The following BTC variants were observed in gnomAD, a reference collection of about 807,000 sequenced individuals.
BTC encodes betacellulin.
BTC carries 13 observed loss-of-function variants against 18.1 expected under a neutral mutation model. The observed-to-expected ratio is 0.72, with a 90% CI of 0.47 to 1.14. The LOEUF (loss-of-function observed/expected upper bound fraction) is 1.14. Among genes scored for constraint, BTC ranks in the 50% most tolerant of loss-of-function variants. BTC has a pLI of 0.00. For synonymous variants in BTC, 83 were observed against 79.4 expected, an observed-to-expected ratio of 1.05 and a Z score of -0.24; for missense variants, 247 against 224.2, an observed-to-expected ratio of 1.10 and a Z score of -0.65.
intron 4 of BTC, among the ~76,000 whole-genome samples, chr4:74,748,361 C>T (rs1237661441): frequency 6.6e-6 from 1 of 152,078 alleles, no homozygotes; most frequent in Non-Finnish European, 1.5e-5. Context: ...ACGCTGAAAC[C>T]CCGTCTCTAC....
At chr4:74,761,460 A>G (rs1427793449) in intron 2 of BTC, among the ~76,000 whole-genome samples, 1 of 152,182 alleles carries the variant, frequency 6.6e-6, no homozygotes, top group East Asian at 1.9e-4. Flanking sequence ...TTTAGTTTAC[A>G]TCCTAGTTTA....
chr4:74,776,744 G>A (rs1469564099), intron 1 of BTC, among the ~76,000 whole-genome samples: 1 of 152,130 alleles, frequency 6.6e-6, no homozygotes, highest in Non-Finnish European at 1.5e-5. Flanking sequence ...AAACAGTCAT[G>A]TGCGTTGTAT....
chr4:74,749,859 C>G (rs1287655662), intron 4 of BTC, among the ~76,000 whole-genome samples: 5 of 147,300 alleles, frequency 3.4e-5, no homozygotes, highest in African/African-American at 1.3e-4. Context: ...ACTCAAGAGG[C>G]TGAGGCGGGA....
intron 3 of BTC, among the ~76,000 whole-genome samples, chr4:74,754,830 G>A (rs782348838): frequency 6.6e-6 from 1 of 151,754 alleles, no homozygotes; most frequent in African/African-American, 2.4e-5. Context: ...AACCAATTAG[G>A]GAAATGTATT....
At chr4:74,793,650 C>T (rs545151483) in intron 1 of BTC, among the ~76,000 whole-genome samples, 144 of 152,264 alleles carry the variant, frequency 9.5e-4, no homozygotes, top group Middle Eastern at 3.4e-3. Flanking sequence ...CTTCCAGCCA[C>T]ATCTGAAGTT....
At chr4:74,760,708 G>T (rs1553957207) in intron 2 of BTC, among the ~76,000 whole-genome samples, 1 of 151,608 alleles carries the variant, frequency 6.6e-6, no homozygotes, top group Non-Finnish European at 1.5e-5. Flanking sequence ...GAGTTCAGTA[G>T]CATGATATGG....
At chr4:74,765,158 A>T in intron 2 of BTC, among the ~76,000 whole-genome samples, 1 of 151,690 alleles carries the variant, frequency 6.6e-6, no homozygotes, top group East Asian at 1.9e-4. Context: ...AAAGAAAAAA[A>T]AAAACACTAA....
At chr4:74,786,929 C>T (rs893215273) in intron 1 of BTC, among the ~76,000 whole-genome samples, 1 of 151,964 alleles carries the variant, frequency 6.6e-6, no homozygotes, top group African/African-American at 2.4e-5. Context: ...TACCACATCC[C>T]TGAATCTGGG....
intron 1 of BTC, among the ~76,000 whole-genome samples, chr4:74,792,960 C>T (rs1172830808): frequency 6.6e-6 from 1 of 152,218 alleles, no homozygotes; most frequent in East Asian, 1.9e-4. Flanking sequence ...TGAGCCCTTT[C>T]CCCACCTCCA....
chr4:74,777,638 T>C (rs1725211464), intron 1 of BTC, among the ~76,000 whole-genome samples: 1 of 152,168 alleles, frequency 6.6e-6, no homozygotes, highest in Admixed American at 6.6e-5. Flanking sequence ...TTGAAGTTAA[T>C]ATGCCTCAGC....
At chr4:74,759,595 C>T (rs1210369402) in intron 2 of BTC, among the ~76,000 whole-genome samples, 1 of 150,826 alleles carries the variant, frequency 6.6e-6, no homozygotes, top group African/African-American at 2.4e-5. Context: ...AAATAAATGT[C>T]ACTTTAATGG....
intron 2 of BTC, among the ~76,000 whole-genome samples, chr4:74,765,879 G>C (rs372258492): frequency 7.4e-4 from 113 of 152,094 alleles, no homozygotes; most frequent in African/African-American, 2.5e-3. Flanking sequence ...GCATTATTAG[G>C]CAGTTTTTTC....
chr4:74,774,497 T>G (rs142923144), intron 1 of BTC, among the ~76,000 whole-genome samples: 111 of 152,228 alleles, frequency 7.3e-4, no homozygotes, highest in African/African-American at 2.5e-3. Context: ...GTTATAAGCC[T>G]TTTAGTACTA....
intron 1 of BTC, among the ~76,000 whole-genome samples, chr4:74,780,720 C>T (rs1040594222): frequency 6.6e-6 from 1 of 151,904 alleles, no homozygotes; most frequent in Non-Finnish European, 1.5e-5. Context: ...AAAACTAAGC[C>T]TGGGGCATAG....
chr4:74,766,714 T>C (rs1464627250), intron 2 of BTC, among the ~76,000 whole-genome samples: 2 of 152,016 alleles, frequency 1.3e-5, no homozygotes, highest in Admixed American at 6.6e-5. Flanking sequence ...TTAAACTCTT[T>C]CAAAAAATTG....
At position 74,780,939 on chromosome 4, in the gene BTC, A is replaced by G. The variant is rs562315125; in HGVS notation, c.65-10783T>C. 1.3e-4 allele frequency among the ~76,000 whole-genome samples: 20 copies of G among 150,798 alleles called. No homozygotes were observed. In the South Asian group the frequency reaches 3.6e-3, roughly 27 times the overall value. On this transcript the variant is annotated intron_variant, in intron 1 of 5. Coordinates refer to ENST00000395743, the MANE Select transcript of BTC (RefSeq NM_001729.4). ...TTATTATTATTATACTTTAAGTTTC[A>G]GGGTACATGTGCACAATGTGAGAGT...
intron 2 of BTC, among the ~76,000 whole-genome samples, chr4:74,766,311 AC>A (rs1340909543): frequency 5.3e-5 from 8 of 152,042 alleles, no homozygotes; most frequent in African/African-American, 1.9e-4. Context: ...ACTTACTGTA[AC>A]TTTTTTATTG....
intron 1 of BTC, among the ~76,000 whole-genome samples, chr4:74,774,869 G>A (rs1000267510): frequency 2.0e-5 from 3 of 151,828 alleles, no homozygotes; most frequent in Middle Eastern, 3.2e-3. Context: ...TTTAATATCA[G>A]CATGGGTGAT....
In BTC at chr4:74,750,667, G is replaced by C. The variant is rs1310618176; in HGVS notation, c.334C>G (p.Leu112Val). Reference sequence around the variant, plus strand: ...AGAATCTGTCCTCTGTCTCCTCTTAGGTAAAACAAGTCAACTCTCTCACAC... The same window carrying C: ...AGAATCTGTCCTCTGTCTCCTCTTACGTAAAACAAGTCAACTCTCTCACAC... Reference protein sequence around the residue: ...ARCERVDLFYLRGDRGQILVI... With the variant: ...ARCERVDLFYVRGDRGQILVI... Residue 112 changes from leucine to valine, a missense_variant, in exon 4 of 6, where the codon CTA becomes GTA. By Grantham distance (32) the Leu-to-Val change is conservative. Transcript: ENST00000395743. The C allele has an allele frequency of 1.9e-6, 3 of 1,613,696 alleles. No homozygotes were observed. Among genetic ancestry groups the C allele is most frequent in the Non-Finnish European group, 2.5e-6 (3 of 1,179,918 alleles).
Sources: allele counts gnomAD v4.1 joint callset (sites outside exome capture counted in the v4.1 genomes callset), GRCh38; gene constraint gnomAD v4.1.1; transcripts MANE v1.5; gene names NCBI Gene and HGNC (gene_info 2026-07-23, HGNC 2026-07-21).